The following METTL14 variants were observed in gnomAD, a reference collection of about 807,000 sequenced individuals.
The protein encoded by METTL14 is methyltransferase 14, N6-adenosine-methyltransferase non-catalytic subunit.
Under a neutral mutation model 62.4 loss-of-function variants are expected in METTL14, and 32 were observed. The ratio of observed to expected loss-of-function variants is 0.51; its 90% confidence interval spans 0.39 to 0.69. The LOEUF (loss-of-function observed/expected upper bound fraction) is 0.69. Among genes scored for constraint, METTL14 ranks in the 30% least tolerant of loss-of-function variants. METTL14 has a pLI of 0.00. For synonymous variants in METTL14, 150 were observed against 180.0 expected, an observed-to-expected ratio of 0.83 and a Z score of 1.34; for missense variants, 340 against 551.9, an observed-to-expected ratio of 0.62 and a Z score of 3.85.
chr4:118,688,526 A>G (rs946940739), intron 2 of METTL14, among the ~76,000 whole-genome samples: 1 of 152,122 alleles, frequency 6.6e-6, no homozygotes, highest in African/African-American at 2.4e-5. Flanking sequence ...AAGCATCAAA[A>G]TAATGATTTT....
chr4:118,694,110 C>A (rs1579068551), intron 5 of METTL14, among the ~76,000 whole-genome samples: 2 of 136,552 alleles, frequency 1.5e-5, no homozygotes, highest in African/African-American at 5.4e-5. Flanking sequence ...AAAAGAATCA[C>A]ACAAGAAAGG....
intron 10 of METTL14, among the ~76,000 whole-genome samples, chr4:118,708,946 A>G (rs1180898530): frequency 6.6e-6 from 1 of 152,238 alleles, no homozygotes; most frequent in Non-Finnish European, 1.5e-5. Flanking sequence ...TCCATTCTAA[A>G]GACAGTTTAA....
rs1724738759 is a variant in METTL14 at position 118,705,815 on chromosome 4, C to T, written c.1060C>T (p.Arg354Ter). 6.2e-7 allele frequency: 1 copy of T among 1,612,162 alleles called. No individual in the cohort carries two copies. Among genetic ancestry groups the T allele is most frequent in the Non-Finnish European group, 8.5e-7 (1 of 1,178,884 alleles). ...LHLFGRDSTIRPGWLTVGPTL... is the reference protein window; with the variant it reads ...LHLFGRDSTI ...TCTATTTGGAAGAGATAGTACAATT[C>T]GACCAGGTAGGACCTCAGTTAACAA... The change falls in exon 10 of 11, where the codon CGA becomes TGA. Residue 354 changes from arginine to a stop codon, truncating the protein, a stop_gained. Transcript: ENST00000388822. LOFTEE classifies it high-confidence loss of function.
chr4:118,685,600 G>A lies in METTL14; in HGVS notation c.66G>A (p.Gln22=). 1 of 1,613,930 alleles carries A rather than the reference G, an allele frequency of 6.2e-7. No individual in the cohort carries two copies. Among genetic ancestry groups the A allele is most frequent in the Non-Finnish European group, 8.5e-7 (1 of 1,179,938 alleles). The change falls in exon 1 of 11, where the codon CAG becomes CAA. Residue 22 remains glutamine, a splice_region_variant and synonymous_variant. Coordinates refer to ENST00000388822, the MANE Select transcript of METTL14 (RefSeq NM_020961.4). The part of the protein sequence containing the change: ...QKLRRQLLAQ[Q]LGAESADSIG... ...TACGGCGACAGCTCCTCGCGCAGCA[G>A]GTCCGCGGCCCTGGTGTCCCCTGTG...
At chr4:118,697,102 A>G (rs573428838) in intron 6 of METTL14, 80 bp from the exon 7 acceptor site, 3 of 1,034,660 alleles carry the variant, frequency 2.9e-6, no homozygotes, top group Admixed American at 2.7e-5. Flanking sequence ...TTCTTTCATT[A>G]CCATCTGTTA....
rs1034083504 is a variant in METTL14, at chr4:118,710,320, C to T, written c.*18C>T. 26 of 1,589,636 alleles carry T rather than the reference C, an allele frequency of 1.6e-5. No homozygotes were observed. The highest frequency in any genetic ancestry group is 2.1e-5 in the Non-Finnish European group (24 of 1,169,396). ...CTCGATAATTGTTGAAGACATTGAACCTATTCATCCTCCTCTAACCTTCTT... is the reference window on the plus strand; with the variant it reads ...CTCGATAATTGTTGAAGACATTGAATCTATTCATCCTCCTCTAACCTTCTT... On this transcript the variant is annotated 3_prime_UTR_variant, in exon 11 of 11. Coordinates refer to ENST00000388822, the MANE Select transcript of METTL14 (RefSeq NM_020961.4).
intron 3 of METTL14, among the ~76,000 whole-genome samples, chr4:118,690,491 T>C (rs979233903): frequency 6.6e-6 from 1 of 151,882 alleles, no homozygotes; most frequent in Non-Finnish European, 1.5e-5. Context: ...CCCTCCTGGC[T>C]AACATGGTGA....
intron 5 of METTL14, among the ~76,000 whole-genome samples, chr4:118,694,196 T>C (rs1037739727): frequency 1.3e-5 from 2 of 151,794 alleles, no homozygotes; most frequent in Non-Finnish European, 2.9e-5. Flanking sequence ...AAATATGTGA[T>C]ATTAAGTGGC....
chr4:118,699,174 A>G (rs950049360), intron 7 of METTL14, among the ~76,000 whole-genome samples: 21 of 152,144 alleles, frequency 1.4e-4, no homozygotes, highest in African/African-American at 1.7e-4. Context: ...GAATCTTTGC[A>G]TGTCCCTTTC....
chr4:118,688,935 G>A (rs1244901489), intron 2 of METTL14, among the ~76,000 whole-genome samples: 1 of 152,148 alleles, frequency 6.6e-6, no homozygotes, highest in South Asian at 2.1e-4. Context: ...GCCTCCCAAA[G>A]TGCTGGGATT....
intron 4 of METTL14, 27 bp from the exon 5 acceptor site, chr4:118,691,954 C>T: frequency 6.8e-7 from 1 of 1,479,936 alleles, no homozygotes; most frequent in Non-Finnish European, 9.4e-7. Context: ...ATGCATGTTA[C>T]AAATTTAATT....
chr4:118,685,527 G>A lies in METTL14; in HGVS notation c.-8G>A. The A allele has an allele frequency of 6.2e-7, 1 of 1,614,126 alleles. No individual in the cohort carries two copies. The highest frequency in any genetic ancestry group is 8.5e-7 in the Non-Finnish European group (1 of 1,179,958). ...GTACTCGGGATAGTGAAAAGCCGGAGTTGGAACATGGATAGCCGCTTGCAG... is the reference window on the plus strand; with the variant it reads ...GTACTCGGGATAGTGAAAAGCCGGAATTGGAACATGGATAGCCGCTTGCAG... On this transcript the variant is annotated 5_prime_UTR_variant, in exon 1 of 11. Coordinates refer to ENST00000388822, the MANE Select transcript of METTL14 (RefSeq NM_020961.4).
intron 8 of METTL14, 77 bp downstream of exon 8, chr4:118,700,719 GA>G (rs1724562608): frequency 4.4e-6 from 4 of 907,852 alleles, no homozygotes; most frequent in Admixed American, 2.4e-5. Context: ...TAGGATGTTT[GA>G]AAGTGGATGT....
intron 7 of METTL14, among the ~76,000 whole-genome samples, chr4:118,697,836 A>G (rs1421563692): frequency 6.6e-6 from 1 of 152,092 alleles, no homozygotes. Flanking sequence ...TCCTGGGTAG[A>G]TGGGACATAG....
At chr4:118,701,342 C>T (rs1315942751) in intron 8 of METTL14, among the ~76,000 whole-genome samples, 2 of 151,620 alleles carry the variant, frequency 1.3e-5, no homozygotes, top group East Asian at 3.9e-4. Flanking sequence ...CACACCACCA[C>T]CCCTGGCTAA....
chr4:118,688,601 T>C (rs1724148966), intron 2 of METTL14, among the ~76,000 whole-genome samples: 1 of 152,188 alleles, frequency 6.6e-6, no homozygotes, highest in Non-Finnish European at 1.5e-5. Flanking sequence ...GGATAGTAAG[T>C]TCCCATTTGT....
At chr4:118,689,522 C>A in intron 3 of METTL14, 65 bp downstream of exon 3, 1 of 911,450 alleles carries the variant, frequency 1.1e-6, no homozygotes, top group Non-Finnish European at 1.7e-6. Flanking sequence ...AGATTCATAT[C>A]CAGGAAAACA....
chr4:118,705,131 A>G (rs931268894), intron 9 of METTL14, among the ~76,000 whole-genome samples: 7 of 152,204 alleles, frequency 4.6e-5, no homozygotes, highest in African/African-American at 1.2e-4. Flanking sequence ...TTTACATGGC[A>G]GTCTTTCCTC....
rs987647909 is a variant in METTL14 at position 118,710,480 on chromosome 4, T to G, written c.*178T>G. ...AGTTGTCACACACACTGTCTGGTTT[T>G]TTTCAGGATAAATGAATGATTCTGC... is the stretch of plus-strand genomic sequence containing the variant. On this transcript the variant is annotated 3_prime_UTR_variant, in exon 11 of 11. Coordinates refer to ENST00000388822, the MANE Select transcript of METTL14 (RefSeq NM_020961.4). 1 of 605,574 alleles carries G rather than the reference T, an allele frequency of 1.7e-6. No individual in the cohort carries two copies. Among genetic ancestry groups the G allele is most frequent in the Non-Finnish European group, 2.8e-6 (1 of 354,424 alleles). The allele number at this position is 605,574 out of a possible 1,614,324, so 37.5% of individuals were successfully genotyped here.
Sources: gnomAD v4.1 joint callset for allele counts (sites outside exome capture counted in the v4.1 genomes callset) on GRCh38, gnomAD v4.1.1 for gene constraint, MANE v1.5 for transcripts, NCBI Gene and HGNC (gene_info 2026-07-23, HGNC 2026-07-21) for gene names.